The following C19orf44 variants were observed in gnomAD, a reference collection of about 807,000 sequenced individuals.
C19orf44 encodes chromosome 19 open reading frame 44.
Under a neutral mutation model 50.7 loss-of-function variants are expected in C19orf44, and 43 were observed. That is an observed-to-expected ratio of 0.85 (90% CI 0.66 to 1.09). C19orf44 has a LOEUF of 1.09. Ranked by LOEUF, C19orf44 falls within the 50% of genes least tolerant of loss-of-function variation. C19orf44 has a pLI of 0.00. For synonymous variants in C19orf44, 298 were observed against 334.7 expected, an observed-to-expected ratio of 0.89 and a Z score of 1.20; for missense variants, 722 against 836.2, an observed-to-expected ratio of 0.86 and a Z score of 1.68.
chr19:16,497,591 C>T lies in C19orf44; in HGVS notation c.-2+1126C>T, dbSNP rs141101435. On this transcript the variant is annotated intron_variant, in intron 1 of 8. Transcript: ENST00000221671. ...GTCTCGATCTCCTGACCTCGTGATCCGCCCGCCTTAGCCTCCCAAAGTGCT... is the reference window on the plus strand; with the variant it reads ...GTCTCGATCTCCTGACCTCGTGATCTGCCCGCCTTAGCCTCCCAAAGTGCT... 3.3e-3 allele frequency among the ~76,000 whole-genome samples: 497 copies of T among 149,202 alleles called. 3 individuals carry two copies. The highest frequency in any genetic ancestry group is 5.3e-3 in the Non-Finnish European group (355 of 67,098).
Position 16,519,299 on chromosome 19 carries a change from T to C in C19orf44, c.*41-795T>C. 6.2e-7 allele frequency: 1 copy of C among 1,613,910 alleles called. No individual in the cohort carries two copies. Among genetic ancestry groups the C allele is most frequent in the Non-Finnish European group, 8.5e-7 (1 of 1,180,010 alleles). Reference sequence around the variant, plus strand: ...TTATCCCGGACGTCCCCGCCCTTGATGGGGTCCTGGATCCCTTGCTCCTTC... The same window carrying C: ...TTATCCCGGACGTCCCCGCCCTTGACGGGGTCCTGGATCCCTTGCTCCTTC... On this transcript the variant is annotated intron_variant, in intron 8 of 8. Transcript: ENST00000221671. This position sits in a 1 kb window ranked among gnomAD's most constrained non-coding sequence, Gnocchi z 6.0.
chr19:16,505,327 C>T (rs2093437709), intron 3 of C19orf44, among the ~76,000 whole-genome samples: 1 of 151,804 alleles, frequency 6.6e-6, no homozygotes, highest in African/African-American at 2.4e-5. Flanking sequence ...AATTCTTCTG[C>T]CTCAGCCTCT....
In C19orf44 at chr19:16,499,882, C is replaced by T. The variant is rs149549778; in HGVS notation, c.-1-910C>T. ...TCGGCTCACTGCAACCTCCACCTCCCGGGTTCAAGCGATTCTCCTGCCTCA... is the reference window on the plus strand; with the variant it reads ...TCGGCTCACTGCAACCTCCACCTCCTGGGTTCAAGCGATTCTCCTGCCTCA... On this transcript the variant is annotated intron_variant, in intron 1 of 8. Transcript: ENST00000221671. Among the ~76,000 whole-genome samples, 755 of 150,744 alleles carry T rather than the reference C, an allele frequency of 5.0e-3. 9 individuals are homozygous for T. The highest frequency in any genetic ancestry group is 0.018 in the African/African-American group (724 of 41,018).
At position 16,501,406 on chromosome 19, in the gene C19orf44, C is replaced by T; in HGVS notation, c.614C>T (p.Ala205Val). The change falls in exon 2 of 9, where the codon GCT becomes GTT. Residue 205 changes from alanine (A) to valine (V), a missense_variant. Ala to Val is a moderately conservative substitution (Grantham distance 64, BLOSUM62 0). Transcript: ENST00000221671. ...TLQTPKQKEP[A>V]RTFDSPDSDE... ...CAAACCCCCAAACAGAAAGAACCTGCTAGAACATTTGATTCTCCAGACAGT... is the reference window on the plus strand; with the variant it reads ...CAAACCCCCAAACAGAAAGAACCTGTTAGAACATTTGATTCTCCAGACAGT... The T allele has an allele frequency of 6.2e-7, 1 of 1,613,844 alleles. No individual in the cohort carries two copies. Among genetic ancestry groups the T allele is most frequent in the Non-Finnish European group, 8.5e-7 (1 of 1,179,924 alleles).
Position 16,509,916 on chromosome 19 carries a change from G to C in C19orf44, c.1567G>C (p.Val523Leu). Residue 523 changes from valine (V) to leucine (L), a missense_variant, in exon 5 of 9, where the codon GTG becomes CTG. Coordinates refer to ENST00000221671, the MANE Select transcript of C19orf44 (RefSeq NM_032207.4). The part of the protein sequence containing the change: ...AESRKKSGRH[V>L]TRVLVKDTAV... Reference sequence around the variant, plus strand: ...GTCTAGGAAAAAGTCGGGCAGGCACGTGACAAGAGTGCTTGTGAAGGACAC... The same window carrying C: ...GTCTAGGAAAAAGTCGGGCAGGCACCTGACAAGAGTGCTTGTGAAGGACAC... 2 of 1,614,260 alleles carry C rather than the reference G, an allele frequency of 1.2e-6. No individual in the cohort carries two copies. The highest frequency in any genetic ancestry group is 1.7e-6 in the Non-Finnish European group (2 of 1,180,052).
chr19:16,517,292 G>A lies in C19orf44; in HGVS notation c.1965G>A (p.Lys655=), dbSNP rs1427267935. ...AGGATGCCCTGGAGGAGGTGAACAA[G>A]GAGCTGTGAGCGCCAGCAGGTGGAG... The part of the protein sequence containing the change: ...TMEDALEEVN[K]EL Residue 655 remains lysine (K), a synonymous_variant, in exon 8 of 9, where the codon AAG becomes AAA. Transcript: ENST00000221671. The A allele has an allele frequency of 6.2e-7, 1 of 1,614,126 alleles. No individual in the cohort carries two copies. The highest frequency in any genetic ancestry group is 8.5e-7 in the Non-Finnish European group (1 of 1,180,004).
intron 5 of C19orf44, among the ~76,000 whole-genome samples, chr19:16,510,480 C>T (rs2093454112): frequency 6.6e-6 from 1 of 152,078 alleles, no homozygotes; most frequent in Non-Finnish European, 1.5e-5. Flanking sequence ...CTCGTGTGTC[C>T]CGATGTCTTC....
At chr19:16,504,695 G>A (rs1398502253) in intron 3 of C19orf44, among the ~76,000 whole-genome samples, 1 of 151,858 alleles carries the variant, frequency 6.6e-6, no homozygotes, top group Non-Finnish European at 1.5e-5. Flanking sequence ...TGCCTCCCAG[G>A]TTCAAGTGAT....
In C19orf44 at chr19:16,520,243, A is replaced by G. The variant is rs1419557384; in HGVS notation, c.*190A>G. 3.1e-6 allele frequency: 5 copies of G among 1,613,108 alleles called. No individual in the cohort carries two copies. Among genetic ancestry groups the G allele is most frequent in the Non-Finnish European group, 3.4e-6 (4 of 1,179,980 alleles). On this transcript the variant is annotated 3_prime_UTR_variant, in exon 9 of 9. Transcript: ENST00000221671. This position sits in a 1 kb window ranked among gnomAD's most constrained non-coding sequence, Gnocchi z 4.0. ...GACTGGGACCGGGAGCGGCTTCTGG[A>G]GGAGCGCGACCTGCTCCGACTTCTG...
rs1196514522 is a variant in C19orf44 at position 16,501,276 on chromosome 19, G to A, written c.484G>A (p.Glu162Lys). ...QNQARELPVT[E>K]NNAQNAKVSR... ...TCAAGCCCGTGAACTTCCTGTCACC[G>A]AAAATAATGCACAGAACGCGAAGGT... The change falls in exon 2 of 9, where the codon GAA becomes AAA. Residue 162 changes from glutamate to lysine, a missense_variant. By Grantham distance (56) the Glu-to-Lys change is moderately conservative (BLOSUM62 1). Transcript: ENST00000221671. 1.5e-5 allele frequency: 24 copies of A among 1,614,000 alleles called. No individual in the cohort carries two copies. The highest frequency in any genetic ancestry group is 2.2e-5 in the South Asian group (2 of 91,084).
chr19:16,507,091 G>A (rs958746951), intron 4 of C19orf44, among the ~76,000 whole-genome samples: 3 of 152,212 alleles, frequency 2.0e-5, no homozygotes, highest in African/African-American at 4.8e-5. Flanking sequence ...ATGACTAGGG[G>A]GTGGGTGACA....
chr19:16,513,758 C>G (rs1443970844), intron 6 of C19orf44, among the ~76,000 whole-genome samples: 1 of 152,146 alleles, frequency 6.6e-6, no homozygotes, highest in Non-Finnish European at 1.5e-5. Context: ...CCCCTGAAGA[C>G]ATGTATTTGA....
intron 1 of C19orf44, among the ~76,000 whole-genome samples, chr19:16,497,376 A>T (rs2093412602): frequency 1.7e-5 from 2 of 118,260 alleles, no homozygotes; most frequent in Non-Finnish European, 3.4e-5. Context: ...TTTGAGACAG[A>T]TTCTCGCTCT....
Position 16,520,595 on chromosome 19 carries a change from A to C in C19orf44, c.*542A>C. 2.8e-6 allele frequency: 4 copies of C among 1,448,030 alleles called. No homozygotes were observed. The highest frequency in any genetic ancestry group is 3.8e-6 in the Non-Finnish European group (4 of 1,058,038). The allele number at this position is 1,448,030 out of a possible 1,614,324, so 89.7% of individuals were successfully genotyped here. A position where few individuals can be genotyped will look rare whatever the true frequency, so the allele number is the denominator to read the frequency against. ...CCCTCAGGTTCCTAGACCACCCCAG[A>C]TGCAGGGGCTCTGGCTGTGGATGTG... On this transcript the variant is annotated 3_prime_UTR_variant, in exon 9 of 9. Coordinates refer to ENST00000221671, the MANE Select transcript of C19orf44 (RefSeq NM_032207.4). This position sits in a 1 kb window ranked among gnomAD's most constrained non-coding sequence, Gnocchi z 4.0.
At chr19:16,509,066 C>T (rs1451545819) in intron 4 of C19orf44, among the ~76,000 whole-genome samples, 3 of 152,024 alleles carry the variant, frequency 2.0e-5, no homozygotes, top group East Asian at 3.9e-4. Flanking sequence ...GTGATCTGCC[C>T]GCCTTGGCCT....
chr19:16,515,585 A>G (rs2093469269), intron 7 of C19orf44, among the ~76,000 whole-genome samples: 1 of 151,032 alleles, frequency 6.6e-6, no homozygotes. Flanking sequence ...GCTGGAATGC[A>G]GTGGTGTGAT....
chr19:16,503,837 T>G (rs1437186665), intron 3 of C19orf44, among the ~76,000 whole-genome samples: 1 of 152,060 alleles, frequency 6.6e-6, no homozygotes, highest in Non-Finnish European at 1.5e-5. Flanking sequence ...AGTGCTGGGA[T>G]TACAAGTGTG....
chr19:16,517,409 T>C (rs914880566), intron 8 of C19orf44, 68 bp downstream of exon 8: 2 of 1,148,556 alleles, frequency 1.7e-6, no homozygotes, highest in Non-Finnish European at 2.5e-6. Flanking sequence ...TGTCCAAGTG[T>C]GACGTTCCGT....
rs966260552 is a variant in C19orf44 at position 16,519,573 on chromosome 19, AGCACGC to A, written c.*41-519_*41-514del. The A allele has an allele frequency of 6.6e-7, 1 of 1,517,234 alleles. No homozygotes were observed. Among genetic ancestry groups the A allele is most frequent in the Non-Finnish European group, 9.2e-7 (1 of 1,092,734 alleles). 94.0% of individuals were successfully genotyped at this position (1,517,234 alleles called of 1,614,324 possible). A position where few individuals can be genotyped will look rare whatever the true frequency, so the allele number is the denominator to read the frequency against. On this transcript the variant is annotated intron_variant, in intron 8 of 8. Transcript: ENST00000221671. This position sits in a 1 kb window ranked among gnomAD's most constrained non-coding sequence, Gnocchi z 6.0. ...GAAAGCGCTGGTGACTCCCGGGCCC[AGCACGC>A]GTGAGGACCCATCCCGCGCCCTCCC...
Sources: allele counts gnomAD v4.1 joint callset (sites outside exome capture counted in the v4.1 genomes callset), GRCh38; gene constraint gnomAD v4.1.1; non-coding constraint Gnocchi (gnomAD v3.1); transcripts MANE v1.5; gene names NCBI Gene and HGNC (gene_info 2026-07-23, HGNC 2026-07-21).